The following GPC6 variants were observed in gnomAD, a reference collection of about 807,000 sequenced individuals.
GPC6 encodes glypican 6.
Under a neutral mutation model 55.2 loss-of-function variants are expected in GPC6, and 14 were observed. That is an observed-to-expected ratio of 0.25 (90% CI 0.17 to 0.40). The LOEUF (loss-of-function observed/expected upper bound fraction) is 0.40, where lower values mean the gene tolerates loss of function less well. GPC6 is among the 10% of genes least tolerant of loss of function. The pLI, the probability that GPC6 is intolerant of heterozygous loss-of-function variation, is 1.00. For missense variants in GPC6, 641 were observed against 708.5 expected, an observed-to-expected ratio of 0.90 and a Z score of 1.08; for synonymous variants, 278 against 259.6, an observed-to-expected ratio of 1.07 and a Z score of -0.68.
chr13:93,330,142 T>A (rs1258374869), intron 1 of GPC6, among the ~76,000 whole-genome samples: 1 of 152,208 alleles, frequency 6.6e-6, no homozygotes, highest in Non-Finnish European at 1.5e-5. Flanking sequence ...TGTGCAAGAA[T>A]GTCTTGCATT....
chr13:93,967,840 T>C (rs1424142130), intron 3 of GPC6, among the ~76,000 whole-genome samples: 2 of 152,158 alleles, frequency 1.3e-5, no homozygotes, highest in Non-Finnish European at 2.9e-5. Flanking sequence ...AGAACATAGA[T>C]ATCAGAACTT....
At chr13:93,923,934 G>A (rs1877712145) in intron 3 of GPC6, among the ~76,000 whole-genome samples, 2 of 152,112 alleles carry the variant, frequency 1.3e-5, no homozygotes, top group Admixed American at 6.6e-5. Flanking sequence ...ATAAAGTGAT[G>A]TAGCTTCAAA....
intron 4 of GPC6, among the ~76,000 whole-genome samples, chr13:94,052,669 G>T (rs959393299): frequency 2.0e-5 from 3 of 152,070 alleles, no homozygotes; most frequent in Admixed American, 6.6e-5. Context: ...TGTACACGGT[G>T]TTTTTGTTTC....
chr13:94,155,541 TC>T (rs1887902052), intron 4 of GPC6, among the ~76,000 whole-genome samples: 2 of 152,102 alleles, frequency 1.3e-5, no homozygotes, highest in Admixed American at 6.6e-5. Context: ...CAAATGTAGA[TC>T]CCCAAGCCCA....
chr13:93,940,042 A>G (rs1325849910), intron 3 of GPC6, among the ~76,000 whole-genome samples: 4 of 152,302 alleles, frequency 2.6e-5, no homozygotes, highest in African/African-American at 9.6e-5. Context: ...TTGAAAGAAA[A>G]TAAGTCTTTA....
intron 4 of GPC6, among the ~76,000 whole-genome samples, chr13:94,166,077 A>G (rs1044148774): frequency 2.6e-5 from 4 of 152,156 alleles, no homozygotes; most frequent in African/African-American, 7.2e-5. Flanking sequence ...GATCTATGCA[A>G]GCAAAATTGA....
chr13:94,343,855 T>A (rs1878158258), intron 6 of GPC6, among the ~76,000 whole-genome samples: 1 of 152,010 alleles, frequency 6.6e-6, no homozygotes, highest in Admixed American at 6.6e-5. Context: ...CTCAGCCTCC[T>A]GAGTACCTGG....
At chr13:93,852,057 C>T (rs1028385036) in intron 3 of GPC6, among the ~76,000 whole-genome samples, 1 of 151,618 alleles carries the variant, frequency 6.6e-6, no homozygotes, top group Non-Finnish European at 1.5e-5. Context: ...AAGTAGTTGA[C>T]AACAAAAACC....
chr13:93,895,584 A>T (rs1875963181), intron 3 of GPC6, among the ~76,000 whole-genome samples: 1 of 151,952 alleles, frequency 6.6e-6, no homozygotes, highest in Non-Finnish European at 1.5e-5. Flanking sequence ...ATCTATTTTA[A>T]GGCAAGTGCA....
At chr13:93,526,056 A>G (rs1881635086) in intron 1 of GPC6, among the ~76,000 whole-genome samples, 1 of 152,116 alleles carries the variant, frequency 6.6e-6, no homozygotes, top group Non-Finnish European at 1.5e-5. Context: ...CATGAATTAT[A>G]TCTTTCTGTA....
rs749027021 is a variant in GPC6, at chr13:94,403,011, C to G, written c.1466-4C>G. 7.5e-6 allele frequency: 12 copies of G among 1,599,368 alleles called. No homozygotes were observed. Among genetic ancestry groups the G allele is most frequent in the African/African-American group, 1.3e-5 (1 of 74,812 alleles). ...AACTTTCTTTTTCAATCTTTCCACA[C>G]TAGGTGATGAATCCAGTGGCTCAGG... On this transcript the variant is annotated splice_region_variant and splice_polypyrimidine_tract_variant and intron_variant, in intron 8 of 8. Transcript: ENST00000377047.
Position 94,398,237 on chromosome 13 carries a change from TA to T in GPC6, c.1290-213del, listed in dbSNP as rs375910551. Among the ~76,000 whole-genome samples the T allele has an allele frequency of 4.7e-3, 650 of 139,658 alleles. 2 individuals are homozygous for T. The highest frequency in any genetic ancestry group is 0.019 in the Middle Eastern group (5 of 266). The allele number at this position is 139,658 out of a possible 152,430, so 91.6% of individuals were successfully genotyped here. A position where few individuals can be genotyped will look rare whatever the true frequency, so the allele number is the denominator to read the frequency against. On this transcript the variant is annotated intron_variant, in intron 7 of 8. Transcript: ENST00000377047. ...ACCTACCTAAGAACTCAGTGCCATT[TA>T]AAAAAAAAAAAAAAACTAGTCTGAG...
chr13:94,079,622 A>G (rs1885038101), intron 4 of GPC6, among the ~76,000 whole-genome samples: 1 of 152,180 alleles, frequency 6.6e-6, no homozygotes, highest in Non-Finnish European at 1.5e-5. Context: ...GGACATTTCA[A>G]GTGTATGTCC....
intron 3 of GPC6, among the ~76,000 whole-genome samples, chr13:93,875,240 T>C (rs146279362): frequency 3.8e-4 from 58 of 152,112 alleles, no homozygotes; most frequent in African/African-American, 1.3e-3. Context: ...TATCCTGACC[T>C]GCCATTTCTC....
At chr13:94,315,495 T>C (rs1876477308) in intron 6 of GPC6, among the ~76,000 whole-genome samples, 1 of 152,190 alleles carries the variant, frequency 6.6e-6, no homozygotes, top group African/African-American at 2.4e-5. Flanking sequence ...TGGCTGTTCA[T>C]GTCTCTACCT....
chr13:93,902,093 T>G (rs752378411), intron 3 of GPC6, among the ~76,000 whole-genome samples: 7 of 152,058 alleles, frequency 4.6e-5, no homozygotes, highest in African/African-American at 7.2e-5. Context: ...CTTTTAGCTA[T>G]TTTAAAATGT....
chr13:94,128,184 A>G (rs1201526592), intron 4 of GPC6, among the ~76,000 whole-genome samples: 1 of 152,134 alleles, frequency 6.6e-6, no homozygotes, highest in Non-Finnish European at 1.5e-5. Flanking sequence ...AAAATTTAGG[A>G]AAGATTTATT....
chr13:93,466,898 A>G (rs1878924729), intron 1 of GPC6, among the ~76,000 whole-genome samples: 1 of 152,206 alleles, frequency 6.6e-6, no homozygotes, highest in Non-Finnish European at 1.5e-5. Flanking sequence ...ACACTCACTC[A>G]GTCCAAATCT....
chr13:93,671,059 A>G (rs1881337992), intron 2 of GPC6, among the ~76,000 whole-genome samples: 1 of 152,156 alleles, frequency 6.6e-6, no homozygotes, highest in Non-Finnish European at 1.5e-5. Flanking sequence ...AATGTCTCTC[A>G]ATGGTTTCTC....
Sources: gnomAD v4.1 joint callset for allele counts (sites outside exome capture counted in the v4.1 genomes callset) on GRCh38, gnomAD v4.1.1 for gene constraint, MANE v1.5 for transcripts, NCBI Gene and HGNC (gene_info 2026-07-23, HGNC 2026-07-21) for gene names.